Variants in PSMA5 observed in about 807,000 individuals in gnomAD.
The protein encoded by PSMA5 is proteasome subunit alpha type-5.
In PSMA5, 3 loss-of-function variants were observed where a neutral mutation model predicts 34.5. The observed-to-expected ratio is 0.09, with a 90% CI of 0.04 to 0.22. The LOEUF (loss-of-function observed/expected upper bound fraction) is 0.22, where lower values mean the gene tolerates loss of function less well. Ranked by LOEUF, PSMA5 falls within the 10% of genes least tolerant of loss-of-function variation. The pLI is 1.00. For synonymous variants in PSMA5, 88 were observed against 95.8 expected, an observed-to-expected ratio of 0.92 and a Z score of 0.47; for missense variants, 120 against 286.1, an observed-to-expected ratio of 0.42 and a Z score of 4.19.
At position 109,400,984 on chromosome 1, in the gene PSMA5, C is replaced by T. The variant is rs1386337363; in HGVS notation, c.*1029G>A. Reference sequence around the variant, plus strand: ...AAAATTTGAGCTGTTCAAGTCCCAACAGCTTAATTTTGTGTGTCCATGGGC... The same window carrying T: ...AAAATTTGAGCTGTTCAAGTCCCAATAGCTTAATTTTGTGTGTCCATGGGC... On this transcript the variant is annotated 3_prime_UTR_variant, in exon 9 of 9. Transcript: ENST00000271308. 6.6e-6 allele frequency: 1 copy of T among 152,156 alleles called. No individual in the cohort carries two copies. The highest frequency in any genetic ancestry group is 2.4e-5 in the African/African-American group (1 of 41,424). 9.4% of individuals were successfully genotyped at this position (152,156 alleles called of 1,614,324 possible).
intron 2 of PSMA5, among the ~76,000 whole-genome samples, chr1:109,421,455 T>A: frequency 1.5e-5 from 2 of 134,684 alleles, no homozygotes; most frequent in African/African-American, 2.9e-5. Context: ...TGAGAGAGAC[T>A]CCATCTCAAA....
intron 1 of PSMA5, among the ~76,000 whole-genome samples, chr1:109,424,353 A>G (rs1003070171): frequency 3.3e-5 from 5 of 151,986 alleles, no homozygotes; most frequent in Non-Finnish European, 5.9e-5. Flanking sequence ...ATATTTTTTA[A>G]TGTTTAGTAG....
At chr1:109,419,964 C>T (rs1339556299) in intron 2 of PSMA5, among the ~76,000 whole-genome samples, 5 of 145,256 alleles carry the variant, frequency 3.4e-5, no homozygotes, top group Non-Finnish European at 6.0e-5. Context: ...CAGAGCAAGA[C>T]TCTGTCTCAA....
At chr1:109,405,497 G>A (rs1422875927) in intron 8 of PSMA5, among the ~76,000 whole-genome samples, 1 of 145,974 alleles carries the variant, frequency 6.9e-6, no homozygotes, top group East Asian at 2.0e-4. Context: ...GAGTGCAGTG[G>A]CGTGATTCCA....
chr1:109,403,764 T>A (rs1331079832), intron 8 of PSMA5, among the ~76,000 whole-genome samples: 6 of 152,208 alleles, frequency 3.9e-5, no homozygotes, highest in Non-Finnish European at 8.8e-5. Context: ...ATATGATGTT[T>A]AGTATCCTCT....
chr1:109,411,765 C>T, intron 6 of PSMA5, 112 bp downstream of exon 6: 1 of 1,037,368 alleles, frequency 9.6e-7, no homozygotes, highest in Non-Finnish European at 1.5e-6. Context: ...GCTGGGACTA[C>T]AGGTGTGTGC....
At chr1:109,414,499 G>A (rs2100965617) in intron 3 of PSMA5, among the ~76,000 whole-genome samples, 1 of 152,218 alleles carries the variant, frequency 6.6e-6, no homozygotes, top group South Asian at 2.1e-4. Flanking sequence ...CTATATCCTG[G>A]TATCTAGCAT....
rs1254898101 is a variant in PSMA5, at chr1:109,407,459, G to A, written c.648+2469C>T. Among the ~76,000 whole-genome samples, 5 of 152,254 alleles carry A rather than the reference G, an allele frequency of 3.3e-5. 1 individual carries two copies. Among genetic ancestry groups the A allele is most frequent in the Admixed American group, 6.5e-5 (1 of 15,290 alleles). ...GCCTATGAAAGCTGGTTCTATGGGT[G>A]AGACATTCACCAACAATACTCTCCA... is the stretch of plus-strand genomic sequence containing the variant. On this transcript the variant is annotated intron_variant, in intron 8 of 8. Coordinates refer to ENST00000271308, the MANE Select transcript of PSMA5 (RefSeq NM_002790.4).
At chr1:109,403,503 C>T (rs990274426) in intron 8 of PSMA5, among the ~76,000 whole-genome samples, 4 of 151,416 alleles carry the variant, frequency 2.6e-5, no homozygotes, top group African/African-American at 9.7e-5. Flanking sequence ...GTGTAGCAAA[C>T]GCCTGTGTCC....
rs1189191695 is a variant in PSMA5, at chr1:109,399,108, G to A, written c.*2905C>T. 1 of 152,200 alleles carries A rather than the reference G, an allele frequency of 6.6e-6. No individual in the cohort carries two copies. The highest frequency in any genetic ancestry group is 1.5e-5 in the Non-Finnish European group (1 of 68,048). The allele number at this position is 152,200 out of a possible 1,614,324, so 9.4% of individuals were successfully genotyped here. A position where few individuals can be genotyped will look rare whatever the true frequency, so the allele number is the denominator to read the frequency against. ...CAAATGAGGATATAGTCATTGTAGA[G>A]CAAAATGATACAATGCACCCAACCC... On this transcript the variant is annotated 3_prime_UTR_variant, in exon 9 of 9. Coordinates refer to ENST00000271308, the MANE Select transcript of PSMA5 (RefSeq NM_002790.4).
intron 2 of PSMA5, among the ~76,000 whole-genome samples, chr1:109,419,266 A>G (rs1445425885): frequency 1.3e-5 from 2 of 152,232 alleles, no homozygotes; most frequent in Admixed American, 1.3e-4. Context: ...GAGGGAGTTA[A>G]AGGGAATGCC....
intron 1 of PSMA5, among the ~76,000 whole-genome samples, chr1:109,423,673 ATC>A (rs1205104219): frequency 1.3e-5 from 2 of 152,186 alleles, no homozygotes; most frequent in Non-Finnish European, 2.9e-5. Context: ...GTTCTAAATG[ATC>A]TGACTCATTC....
Position 109,426,298 on chromosome 1 carries a change from G to C in PSMA5, c.29+4C>G, listed in dbSNP as rs747296031. The C allele has an allele frequency of 1.9e-6, 3 of 1,605,154 alleles. No individual in the cohort carries two copies. Among genetic ancestry groups the C allele is most frequent in the East Asian group, 2.3e-5 (1 of 44,238 alleles). ...CCCACCCGACGTCCCCCAGCTGCAC[G>C]GACCTGTCGTACTCAGACCGGGTAA... On this transcript the variant is annotated splice_donor_region_variant and intron_variant, in intron 1 of 8. Transcript: ENST00000271308.
chr1:109,408,074 G>A (rs192467597), intron 8 of PSMA5, among the ~76,000 whole-genome samples: 4 of 152,126 alleles, frequency 2.6e-5, no homozygotes, highest in East Asian at 3.9e-4. Flanking sequence ...AAAAATCTGG[G>A]GAAATGTGGG....
intron 1 of PSMA5, among the ~76,000 whole-genome samples, chr1:109,424,280 T>C (rs1654562295): frequency 6.6e-6 from 1 of 152,070 alleles, no homozygotes; most frequent in African/African-American, 2.4e-5. Flanking sequence ...CACACTATAG[T>C]TACTTCTGTA....
chr1:109,415,629 TA>T (rs1257605618), intron 2 of PSMA5, among the ~76,000 whole-genome samples: 2 of 152,220 alleles, frequency 1.3e-5, no homozygotes, highest in Admixed American at 1.3e-4. Flanking sequence ...GTTTTCTTTA[TA>T]ATTTACCCAT....
At position 109,426,440 on chromosome 1, in the gene PSMA5, G is replaced by A. The variant is rs1026090348; in HGVS notation, c.-110C>T. On this transcript the variant is annotated 5_prime_UTR_variant, in exon 1 of 9. Coordinates refer to ENST00000271308, the MANE Select transcript of PSMA5 (RefSeq NM_002790.4). ...CTCACCCACACGGCCGCAGTACTAA[G>A]GACCAACTGCGCGTGCGACCGCGAC... 2.9e-5 allele frequency: 40 copies of A among 1,386,852 alleles called. No homozygotes were observed. Among genetic ancestry groups the A allele is most frequent in the African/African-American group, 2.7e-4 (19 of 70,144 alleles). The allele number at this position is 1,386,852 out of a possible 1,614,324, so 85.9% of individuals were successfully genotyped here.
intron 2 of PSMA5, among the ~76,000 whole-genome samples, chr1:109,418,112 G>A (rs1432082373): frequency 1.3e-5 from 2 of 152,054 alleles, no homozygotes. Flanking sequence ...GTAGCTGGGG[G>A]CTGAGGTGGG....
In PSMA5 at chr1:109,422,723, G is replaced by A. The variant is rs1034202910; in HGVS notation, c.30-797C>T. ...CCTGACCTCGTGATCCACCCGCCTC[G>A]GCCTCCCAAAATGCTGGGATTACAG... On this transcript the variant is annotated intron_variant, in intron 1 of 8. Transcript: ENST00000271308. Among the ~76,000 whole-genome samples the A allele has an allele frequency of 5.9e-5, 9 of 152,142 alleles. 1 individual carries two copies. In the East Asian group the frequency reaches 9.7e-4, roughly 16 times the overall value.
Sources: allele counts gnomAD v4.1 joint callset (sites outside exome capture counted in the v4.1 genomes callset), GRCh38; gene constraint gnomAD v4.1.1; transcripts MANE v1.5; gene names NCBI Gene and HGNC (gene_info 2026-07-23, HGNC 2026-07-21).